LRRC37A2: variants seen among roughly 807,000 people sequenced by gnomAD.
LRRC37A2 encodes the protein leucine-rich repeat-containing protein 37A2.
LRRC37A2 carries 9 observed loss-of-function variants against 68.8 expected under a neutral mutation model. The ratio of observed to expected loss-of-function variants is 0.13; its 90% confidence interval spans 0.08 to 0.23. The LOEUF (loss-of-function observed/expected upper bound fraction) is 0.23. Among genes scored for constraint, LRRC37A2 ranks in the 10% least tolerant of loss-of-function variants. The probability of loss-of-function intolerance (pLI) is 1.00; values close to 1 mark genes in which losing one functional copy is unlikely to be tolerated. For missense variants in LRRC37A2, 168 were observed against 950.4 expected (o/e 0.18, Z 10.82); for synonymous variants, 63 against 367.6 (o/e 0.17, Z 9.48).
At chr17:47,024,300 C>G in the LRRC37A2 span, among the ~76,000 whole-genome samples, 131 of 152,270 alleles carry the variant, frequency 8.6e-4, no homozygotes, top group African/African-American at 2.9e-3. Context: ...ACTTGCAGCC[C>G]TGACATGGTT....
the LRRC37A2 span, among the ~76,000 whole-genome samples, chr17:47,013,317 T>C: frequency 3.3e-5 from 5 of 152,336 alleles, no homozygotes; most frequent in South Asian, 6.2e-4. Context: ...AACCATTGAA[T>C]TGTACACGTT....
chr17:46,526,413 G>T (rs1428927875), intron 6 of LRRC37A2, among the ~76,000 whole-genome samples: 2 of 102,532 alleles, frequency 2.0e-5, no homozygotes, highest in East Asian at 4.9e-4. Flanking sequence ...CCCCAGCTGT[G>T]GTTGATCGAT....
At chr17:46,732,138 G>A in the LRRC37A2 span, among the ~76,000 whole-genome samples, 3 of 152,124 alleles carry the variant, frequency 2.0e-5, no homozygotes, top group African/African-American at 7.2e-5. Context: ...GAAAACAAAA[G>A]TTGTGAGCAT....
chr17:46,928,132 G>C, the LRRC37A2 span, among the ~76,000 whole-genome samples: 1 of 152,032 alleles, frequency 6.6e-6, no homozygotes, highest in African/African-American at 2.4e-5. Flanking sequence ...GCAACGGCCT[G>C]GTCTCGGACT....
chr17:46,992,321 CTG>C, the LRRC37A2 span, among the ~76,000 whole-genome samples: 1 of 151,944 alleles, frequency 6.6e-6, no homozygotes, highest in African/African-American at 2.4e-5. Flanking sequence ...TGAGCCGAGA[CTG>C]TGCCACTGCA....
At chr17:46,992,853 C>CA in the LRRC37A2 span, among the ~76,000 whole-genome samples, 8,461 of 65,110 alleles carry the variant, frequency 0.13, 1,392 homozygotes, top group Middle Eastern at 0.19. Context: ...AACTCCATCT[C>CA]AAAAAAAAAA....
At chr17:46,817,028 T>C in the LRRC37A2 span, among the ~76,000 whole-genome samples, 1 of 152,068 alleles carries the variant, frequency 6.6e-6, no homozygotes, top group Non-Finnish European at 1.5e-5. Context: ...CCCGGAAAAG[T>C]GTGGGTTGGG....
At chr17:46,905,712 G>C in the LRRC37A2 span, among the ~76,000 whole-genome samples, 1 of 152,118 alleles carries the variant, frequency 6.6e-6, no homozygotes, top group Non-Finnish European at 1.5e-5. Context: ...CGTGCAGCCT[G>C]GAACAGCCCC....
the LRRC37A2 span, chr17:46,930,866 T>A: frequency 2.9e-5 from 14 of 480,402 alleles, no homozygotes; most frequent in East Asian, 3.3e-4. Context: ...TCAGCTTTTT[T>A]AAAAAATTGG....
chr17:46,525,670 G>A (rs2052643155), intron 6 of LRRC37A2, among the ~76,000 whole-genome samples: 1 of 119,882 alleles, frequency 8.3e-6, no homozygotes, highest in African/African-American at 2.9e-5. Context: ...CTACAATTAT[G>A]TAGGCAACAC....
the LRRC37A2 span, chr17:46,722,102 G>C: frequency 3.7e-6 from 6 of 1,611,406 alleles, no homozygotes; most frequent in South Asian, 6.6e-5. Flanking sequence ...CTGGGAGATG[G>C]CCGGACTCGA....
chr17:46,774,145 A>C, the LRRC37A2 span, among the ~76,000 whole-genome samples: 1 of 152,258 alleles, frequency 6.6e-6, no homozygotes, highest in Non-Finnish European at 1.5e-5. Context: ...GGGACCGCAG[A>C]AGCCGCTTGT....
At chr17:46,844,719 C>T in the LRRC37A2 span, among the ~76,000 whole-genome samples, 4 of 152,160 alleles carry the variant, frequency 2.6e-5, no homozygotes, top group Non-Finnish European at 2.9e-5. Flanking sequence ...TCTGTGCAGA[C>T]CCAAATCTAT....
chr17:46,712,105 G>A, the LRRC37A2 span, among the ~76,000 whole-genome samples: 1 of 152,192 alleles, frequency 6.6e-6, no homozygotes, highest in African/African-American at 2.4e-5. Flanking sequence ...ATACAGAAGA[G>A]ACTAATGGTT....
the LRRC37A2 span, chr17:46,935,460 C>G: frequency 2.2e-6 from 3 of 1,381,848 alleles, no homozygotes; most frequent in Admixed American, 6.3e-5. Flanking sequence ...TACGAGGGGT[C>G]CAATCACAGG....
chr17:46,946,456 C>T, the LRRC37A2 span, among the ~76,000 whole-genome samples: 8 of 109,178 alleles, frequency 7.3e-5, no homozygotes, highest in African/African-American at 1.3e-4. Context: ...AGCAAAACTC[C>T]GTCTCAAAAA....
chr17:46,882,958 C>G, the LRRC37A2 span, among the ~76,000 whole-genome samples: 2 of 152,060 alleles, frequency 1.3e-5, no homozygotes, highest in Non-Finnish European at 2.9e-5. Context: ...CTGGGCAACC[C>G]CAGGGGTCCA....
chr17:46,946,394 G>A, the LRRC37A2 span, among the ~76,000 whole-genome samples: 2 of 150,820 alleles, frequency 1.3e-5, no homozygotes, highest in East Asian at 3.9e-4. Flanking sequence ...CTGGGAGGCG[G>A]AGGTTGCAGT....
chr17:46,917,096 A>C, the LRRC37A2 span: 145,094 of 152,186 alleles, frequency 0.95, 69,553 homozygotes, highest in East Asian at 1. Flanking sequence ...CCTGCCCCCC[A>C]GCCAAATTTA....
Sources: allele counts gnomAD v4.1 joint callset (sites outside exome capture counted in the v4.1 genomes callset), GRCh38; gene constraint gnomAD v4.1.1; transcripts MANE v1.5; gene names NCBI Gene and HGNC (gene_info 2026-07-23, HGNC 2026-07-21).